The following TBC1D1 variants were observed in gnomAD, a reference collection of about 807,000 sequenced individuals.
TBC1D1 encodes TBC1 (tre-2/USP6, BUB2, cdc16) domain family, member 1.
Under a neutral mutation model 125.6 loss-of-function variants are expected in TBC1D1, and 89 were observed. The observed-to-expected ratio is 0.71, with a 90% CI of 0.60 to 0.85. The LOEUF is 0.85. TBC1D1 is among the 40% of genes least tolerant of loss of function. The pLI, the probability that TBC1D1 is intolerant of heterozygous loss-of-function variation, is 0.00. For missense variants in TBC1D1, 1,377 were observed against 1,469.2 expected, an observed-to-expected ratio of 0.94 and a Z score of 1.03; for synonymous variants, 565 against 564.1, an observed-to-expected ratio of 1.00 and a Z score of -0.02.
At chr4:38,060,052 GTC>G (rs1752483419) in intron 12 of TBC1D1, among the ~76,000 whole-genome samples, 1 of 152,154 alleles carries the variant, frequency 6.6e-6, no homozygotes, top group South Asian at 2.1e-4. Flanking sequence ...AAAGGACATG[GTC>G]TCATTCATTT....
chr4:37,905,590 C>G (rs990795560), intron 2 of TBC1D1, among the ~76,000 whole-genome samples: 5 of 152,200 alleles, frequency 3.3e-5, no homozygotes, highest in African/African-American at 1.2e-4. Flanking sequence ...GTGAAGCTTT[C>G]CCAGGCGATT....
chr4:37,949,173 A>G (rs1312783686), intron 2 of TBC1D1, among the ~76,000 whole-genome samples: 1 of 152,184 alleles, frequency 6.6e-6, no homozygotes, highest in Non-Finnish European at 1.5e-5. Context: ...GTAGACGGCT[A>G]TTTATTTGCA....
At chr4:38,000,008 A>G (rs1034247668) in intron 2 of TBC1D1, among the ~76,000 whole-genome samples, 1 of 152,218 alleles carries the variant, frequency 6.6e-6, no homozygotes, top group African/African-American at 2.4e-5. Context: ...AATTAATTCC[A>G]TTATTCTAAC....
chr4:38,108,616 G>A (rs1761724588), intron 15 of TBC1D1, among the ~76,000 whole-genome samples: 3 of 152,312 alleles, frequency 2.0e-5, no homozygotes, highest in African/African-American at 4.8e-5. Context: ...GTGCTGCCGC[G>A]AGACGCTAAG....
At chr4:38,067,594 CAGT>C (rs1753959965) in intron 12 of TBC1D1, among the ~76,000 whole-genome samples, 1 of 152,320 alleles carries the variant, frequency 6.6e-6, no homozygotes, top group South Asian at 2.1e-4. Flanking sequence ...TGGAGGCCGT[CAGT>C]GGGGATACCT....
At chr4:38,110,245 G>A (rs539330265) in intron 15 of TBC1D1, 6 of 985,402 alleles carry the variant, frequency 6.1e-6, no homozygotes, top group South Asian at 9.4e-5. Context: ...TCACAGCACC[G>A]TACAGGGACC....
At chr4:38,106,677 C>T (rs183880637) in intron 15 of TBC1D1, among the ~76,000 whole-genome samples, 5 of 152,324 alleles carry the variant, frequency 3.3e-5, no homozygotes, top group African/African-American at 1.2e-4. Context: ...ACCTTCTTCT[C>T]TTCATTCCCC....
At chr4:37,911,810 G>C (rs1423002617) in intron 2 of TBC1D1, among the ~76,000 whole-genome samples, 1 of 152,180 alleles carries the variant, frequency 6.6e-6, no homozygotes, top group African/African-American at 2.4e-5. Context: ...ATTTTCAGGA[G>C]TTAGCAAACA....
chr4:38,102,772 T>G (rs1396167032), intron 14 of TBC1D1, among the ~76,000 whole-genome samples: 1 of 151,922 alleles, frequency 6.6e-6, no homozygotes, highest in African/African-American at 2.4e-5. Context: ...TTTCAGCTAC[T>G]TGGGAGGCCG....
intron 12 of TBC1D1, among the ~76,000 whole-genome samples, chr4:38,089,558 TA>T (rs1393771301): frequency 2.6e-5 from 4 of 152,226 alleles, no homozygotes; most frequent in African/African-American, 9.6e-5. Flanking sequence ...TTTGTGAGTG[TA>T]AATTATTGTA....
At chr4:38,113,833 A>C (rs1490729747) in intron 15 of TBC1D1, among the ~76,000 whole-genome samples, 3 of 152,238 alleles carry the variant, frequency 2.0e-5, no homozygotes, top group African/African-American at 7.2e-5. Flanking sequence ...TGGATTTCAA[A>C]GACTTGGCAT....
rs1490487548 is a variant in TBC1D1 at position 37,960,664 on chromosome 4, C to A, written c.418-53845C>A. ...AGAGCTACAGAAAAGTCAGTAAAGA[C>A]CAATGGACCCAGAAAACAAAAACAG... On this transcript the variant is annotated intron_variant, in intron 2 of 19. Transcript: ENST00000261439. 3 of 1,614,144 alleles carry A rather than the reference C, an allele frequency of 1.9e-6. No individual in the cohort carries two copies. The South Asian group carries it at 3.3e-5, about 18-fold the overall frequency.
chr4:38,103,303 G>A lies in TBC1D1; in HGVS notation c.2557+146G>A, dbSNP rs967905081. ...GAGACTTTTAATTTAAAAAGCCCTA[G>A]GGTAATCACAAATGTCATCTTCAAG... On this transcript the variant is annotated intron_variant, in intron 15 of 19. Transcript: ENST00000261439. 8.9e-6 allele frequency: 7 copies of A among 790,188 alleles called. No individual in the cohort carries two copies. The East Asian group carries it at 1.6e-4, about 19-fold the overall frequency. The allele number at this position is 790,188 out of a possible 1,614,324, so 48.9% of individuals were successfully genotyped here. A position where few individuals can be genotyped will look rare whatever the true frequency, so the allele number is the denominator to read the frequency against.
intron 1 of TBC1D1, among the ~76,000 whole-genome samples, chr4:37,899,681 G>A (rs918608845): frequency 3.3e-5 from 5 of 152,204 alleles, no homozygotes; most frequent in African/African-American, 1.2e-4. Context: ...AGAATGTGGT[G>A]CTTGACACCA....
At chr4:37,916,805 C>G (rs1719828972) in intron 2 of TBC1D1, among the ~76,000 whole-genome samples, 1 of 152,148 alleles carries the variant, frequency 6.6e-6, no homozygotes, top group Admixed American at 6.5e-5. Context: ...CAGTCTCACT[C>G]TGTTGCCCAG....
chr4:37,930,385 G>A (rs1207390129), intron 2 of TBC1D1, among the ~76,000 whole-genome samples: 1 of 152,062 alleles, frequency 6.6e-6, no homozygotes, highest in African/African-American at 2.4e-5. Context: ...GTAATGGCGT[G>A]ATCATGGCTC....
intron 2 of TBC1D1, among the ~76,000 whole-genome samples, chr4:37,914,253 T>C (rs1214457808): frequency 6.6e-6 from 1 of 152,200 alleles, no homozygotes. Flanking sequence ...TCAACTGCCA[T>C]TGTGACTTTT....
At chr4:38,042,287 C>T (rs62299975) in intron 8 of TBC1D1, among the ~76,000 whole-genome samples, 48,148 of 151,888 alleles carry the variant, frequency 0.32, 8,045 homozygotes, top group East Asian at 0.62. Context: ...ACAAGTCTCA[C>T]GCTGTCACCC....
At chr4:37,997,213 CAATTTT>C (rs1348699127) in intron 2 of TBC1D1, among the ~76,000 whole-genome samples, 1 of 152,212 alleles carries the variant, frequency 6.6e-6, no homozygotes, top group Non-Finnish European at 1.5e-5. Flanking sequence ...AGTATTATCA[CAATTTT>C]AATTTAAGCT....
Sources: allele counts gnomAD v4.1 joint callset (sites outside exome capture counted in the v4.1 genomes callset), GRCh38; gene constraint gnomAD v4.1.1; transcripts MANE v1.5; gene names NCBI Gene and HGNC (gene_info 2026-07-23, HGNC 2026-07-21).